The following RIOK3 variants were observed in gnomAD, a reference collection of about 807,000 sequenced individuals.
RIOK3 encodes serine/threonine-protein kinase RIO3.
A neutral mutation model predicts 63.5 loss-of-function variants in RIOK3; 40 were observed. The ratio of observed to expected loss-of-function variants is 0.63; its 90% CI spans 0.49 to 0.82. The LOEUF is 0.82. Among genes scored for constraint, RIOK3 ranks in the 40% least tolerant of loss-of-function variants. The pLI is 0.00. For synonymous variants in RIOK3, 193 were observed against 205.0 expected (o/e 0.94, Z 0.50); for missense variants, 557 against 637.0 (o/e 0.87, Z 1.35).
At chr18:23,480,555 G>GCGCACACACACACACACACACACA (rs779698307) in intron 12 of RIOK3, among the ~76,000 whole-genome samples, 1 of 141,990 alleles carries the variant, frequency 7.0e-6, no homozygotes, top group African/African-American at 2.7e-5. Context: ...TTGGATGCAC[G>GCGCACACACACACACACACACACA]CACACACACA....
intron 2 of RIOK3, 36 bp from the exon 3 acceptor site, chr18:23,463,931 A>C: frequency 6.4e-7 from 1 of 1,553,654 alleles, no homozygotes. Context: ...TTACTTAAGC[A>C]CATTACATTA....
chr18:23,477,334 C>T, intron 11 of RIOK3, 66 bp downstream of exon 11: 1 of 1,209,412 alleles, frequency 8.3e-7, no homozygotes. Flanking sequence ...TTTCTCACTC[C>T]TAAGATAAGT....
At chr18:23,467,611 A>C in intron 7 of RIOK3, 85 bp downstream of exon 7, 1 of 1,303,016 alleles carries the variant, frequency 7.7e-7, no homozygotes, top group Non-Finnish European at 1.1e-6. Flanking sequence ...ATCAAAGATA[A>C]TGCTGCATGG....
At chr18:23,469,634 C>T (rs1443179509) in intron 7 of RIOK3, among the ~76,000 whole-genome samples, 1 of 151,392 alleles carries the variant, frequency 6.6e-6, no homozygotes. Flanking sequence ...ATTACAGGTA[C>T]ACACTACCAT....
chr18:23,474,276 C>T (rs1268071028), intron 8 of RIOK3, among the ~76,000 whole-genome samples: 1 of 151,962 alleles, frequency 6.6e-6, no homozygotes, highest in African/African-American at 2.4e-5. Context: ...ACGTGTACTC[C>T]CAGCTACTTG....
intron 7 of RIOK3, among the ~76,000 whole-genome samples, chr18:23,469,010 C>T (rs536378865): frequency 6.6e-6 from 1 of 152,338 alleles, no homozygotes; most frequent in South Asian, 2.1e-4. Context: ...CAGTGGGCTG[C>T]TCTCAACTCC....
At chr18:23,480,259 C>G (rs2057522381) in intron 12 of RIOK3, among the ~76,000 whole-genome samples, 1 of 152,142 alleles carries the variant, frequency 6.6e-6, no homozygotes, top group Admixed American at 6.6e-5. Flanking sequence ...TTCCAGAAAT[C>G]CCCAGGATGA....
rs1379023288 is a variant in RIOK3, at chr18:23,464,016, G to A, written c.229G>A (p.Asp77Asn). 1 of 1,612,952 alleles carries A rather than the reference G, an allele frequency of 6.2e-7. No individual in the cohort carries two copies. The highest frequency in any genetic ancestry group is 8.5e-7 in the Non-Finnish European group (1 of 1,179,502). Reference sequence around the variant, plus strand: ...TGGAGAAAACATTGATACTTCCAGTGACCTTATGCTGGCTCAGATGCTACA... The same window carrying A: ...TGGAGAAAACATTGATACTTCCAGTAACCTTATGCTGGCTCAGATGCTACA... ...ITGENIDTSS[D>N]LMLAQMLQME... Residue 77 changes from aspartate (D) to asparagine (N), a missense_variant, in exon 3 of 13, where the codon GAC (aspartate) becomes AAC (asparagine). Physicochemically the swap from Asp to Asn is conservative, Grantham distance 23. Around this residue, in one of 3 missense-constraint regions of RIOK3, gnomAD observed 243 missense variants for 275.4 expected, o/e 0.88. Transcript: ENST00000339486.
chr18:23,454,846 A>G (rs970670192), intron 1 of RIOK3, among the ~76,000 whole-genome samples: 1 of 152,238 alleles, frequency 6.6e-6, no homozygotes, highest in African/African-American at 2.4e-5. Context: ...ACAATTAGAA[A>G]CAGGCTGAAA....
chr18:23,476,848 C>CTTGCAGTG (rs368124565), intron 9 of RIOK3, among the ~76,000 whole-genome samples, 158 bp from the exon 10 acceptor site: 134 of 152,118 alleles, frequency 8.8e-4, no homozygotes, highest in African/African-American at 3.1e-3. Context: ...GGAGGCGGAG[C>CTTGCAGTG]TTGCAGTGAG....
rs1209568215 is a variant in RIOK3, at chr18:23,481,492, A to G, written c.*213A>G. On this transcript the variant is annotated 3_prime_UTR_variant, in exon 13 of 13. Coordinates refer to ENST00000339486, the MANE Select transcript of RIOK3 (RefSeq NM_003831.5). ...CACTACCTCTCATCTTATGAACAGG[A>G]TAATATAATTCTTTAACAGCTATAG... is the stretch of plus-strand genomic sequence containing the variant. 3 of 434,294 alleles carry G rather than the reference A, an allele frequency of 6.9e-6. No homozygotes were observed. The highest frequency in any genetic ancestry group is 2.1e-5 in the African/African-American group (1 of 48,694). 26.9% of individuals were successfully genotyped at this position (434,294 alleles called of 1,614,324 possible).
chr18:23,462,281 A>G (rs2057377326), intron 1 of RIOK3, among the ~76,000 whole-genome samples: 1 of 151,292 alleles, frequency 6.6e-6, no homozygotes, highest in Non-Finnish European at 1.5e-5. Context: ...CTGGGACTAC[A>G]GGCATGCACC....
At chr18:23,466,376 A>G (rs2057408091) in intron 6 of RIOK3, 100 bp downstream of exon 6, 5 of 971,174 alleles carry the variant, frequency 5.1e-6, no homozygotes, top group Non-Finnish European at 7.4e-6. Context: ...ATATTTTTTC[A>G]TGAGATTGGC....
At chr18:23,458,096 G>A (rs116043738) in intron 1 of RIOK3, among the ~76,000 whole-genome samples, 3,932 of 151,380 alleles carry the variant, frequency 0.026, 59 homozygotes, top group Middle Eastern at 0.061. Context: ...GTGGAAATGG[G>A]GTTTCACTGT....
chr18:23,476,902 ACT>A, intron 9 of RIOK3, 102 bp from the exon 10 acceptor site: 1 of 881,562 alleles, frequency 1.1e-6, no homozygotes, highest in South Asian at 1.6e-5. Flanking sequence ...ACAGAGTGAG[ACT>A]CTGTCTCCAA....
At chr18:23,467,603 C>A in intron 7 of RIOK3, 77 bp downstream of exon 7, 1 of 1,376,958 alleles carries the variant, frequency 7.3e-7, no homozygotes, top group South Asian at 1.2e-5. Context: ...TACACAGAAT[C>A]AAAGATAATG....
At chr18:23,455,365 G>A (rs950100631) in intron 1 of RIOK3, among the ~76,000 whole-genome samples, 7 of 149,230 alleles carry the variant, frequency 4.7e-5, no homozygotes, top group African/African-American at 1.7e-4. Flanking sequence ...GAGCCACCAT[G>A]CCCAACGTCT....
At position 23,464,256 on chromosome 18, in the gene RIOK3, G is replaced by A. The variant is rs745332289; in HGVS notation, c.376G>A (p.Asp126Asn). ...YRKVHPYEDS[D>N]SSEDEVDWQD... ...AAAAGTGCATCCTTATGAAGACAGC[G>A]ATAGCTCTGAAGATGAGGTTGACTG... Residue 126 changes from aspartate to asparagine, a missense_variant, in exon 4 of 13, where the codon GAT becomes AAT. This residue lies in a region of RIOK3 where 243 missense variants were observed against 275.4 expected (regional missense o/e 0.88). Coordinates refer to ENST00000339486, the MANE Select transcript of RIOK3 (RefSeq NM_003831.5). The A allele has an allele frequency of 1.4e-5, 22 of 1,614,084 alleles. No homozygotes were observed. Among genetic ancestry groups the A allele is most frequent in the Non-Finnish European group, 1.8e-5 (21 of 1,179,990 alleles).
intron 7 of RIOK3, among the ~76,000 whole-genome samples, chr18:23,468,663 A>G (rs2057427346): frequency 6.6e-6 from 1 of 152,208 alleles, no homozygotes; most frequent in East Asian, 1.9e-4. Context: ...AATTGGTATC[A>G]TAATCTGTAC....
Sources: allele counts gnomAD v4.1 joint callset (sites outside exome capture counted in the v4.1 genomes callset), GRCh38; gene constraint gnomAD v4.1.1; regional missense constraint gnomAD v4.1.1; transcripts MANE v1.5; gene names NCBI Gene and HGNC (gene_info 2026-07-23, HGNC 2026-07-21).